Variants in GRIP1 observed in about 807,000 individuals in gnomAD.
GRIP1 encodes glutamate receptor interacting protein 1.
GRIP1 carries 45 observed loss-of-function variants against 129.9 expected under a neutral mutation model. The ratio of observed to expected loss-of-function variants is 0.35; its 90% confidence interval spans 0.27 to 0.44. The LOEUF is 0.44. GRIP1 is among the 20% of genes least tolerant of loss of function. The pLI, the probability that GRIP1 is intolerant of heterozygous loss-of-function variation, is 1.00. For synonymous variants in GRIP1, 530 were observed against 520.8 expected (o/e 1.02, Z -0.24); for missense variants, 1,196 against 1,396.8 (o/e 0.86, Z 2.29).
chr12:66,956,115 C>G (rs1413226933), intron 1 of GRIP1, among the ~76,000 whole-genome samples: 1 of 152,196 alleles, frequency 6.6e-6, no homozygotes, highest in Non-Finnish European at 1.5e-5. Context: ...ATTCTATTAA[C>G]CAAACTCGGC....
chr12:66,503,572 TC>T, intron 7 of GRIP1, among the ~76,000 whole-genome samples: 1 of 152,342 alleles, frequency 6.6e-6, no homozygotes, highest in Admixed American at 6.5e-5. Flanking sequence ...GTTCTCTTTT[TC>T]TGCCTTATGC....
chr12:66,964,308 G>A (rs1325990291), intron 1 of GRIP1, among the ~76,000 whole-genome samples: 1 of 152,114 alleles, frequency 6.6e-6, no homozygotes, highest in East Asian at 1.9e-4. Context: ...AAGGACTTAT[G>A]TTCTAGAGGA....
intron 2 of GRIP1, among the ~76,000 whole-genome samples, chr12:66,560,916 C>T (rs1331386007): frequency 1.3e-5 from 2 of 152,014 alleles, no homozygotes; most frequent in Non-Finnish European, 1.5e-5. Context: ...TGTACAACAA[C>T]CAGGATTTGG....
chr12:66,638,935 T>C (rs923843266), intron 1 of GRIP1, among the ~76,000 whole-genome samples: 3 of 152,286 alleles, frequency 2.0e-5, no homozygotes, highest in African/African-American at 7.2e-5. Context: ...CTCCTTGTGT[T>C]TCAGTTTCTT....
chr12:66,640,381 A>G (rs2031814652), intron 1 of GRIP1, among the ~76,000 whole-genome samples: 1 of 152,192 alleles, frequency 6.6e-6, no homozygotes, highest in Admixed American at 6.5e-5. Context: ...CTGAAAAATA[A>G]ATTGGTCATC....
Position 66,724,323 on chromosome 12 carries a change from A to G in GRIP1, c.-420+79730T>C, listed in dbSNP as rs577494370. On this transcript the variant is annotated intron_variant, in intron 1 of 4. Transcript: ENST00000538373. ...GTGCCACTGACACCAAAAGGGGCAGACCACTAGTGTGACTTCTTGGTTAAA... is the reference window on the plus strand; with the variant it reads ...GTGCCACTGACACCAAAAGGGGCAGGCCACTAGTGTGACTTCTTGGTTAAA... Among the ~76,000 whole-genome samples the G allele has an allele frequency of 7.8e-4, 119 of 152,316 alleles. 1 individual carries two copies. The highest frequency in any genetic ancestry group is 2.7e-3 in the African/African-American group (114 of 41,568).
intron 1 of GRIP1, among the ~76,000 whole-genome samples, chr12:66,949,576 A>G (rs1422193305): frequency 1.3e-5 from 2 of 152,152 alleles, no homozygotes; most frequent in South Asian, 2.1e-4. Flanking sequence ...CTTTTCTAGA[A>G]GAATGATTTG....
intron 1 of GRIP1, among the ~76,000 whole-genome samples, chr12:66,628,616 A>G (rs938132008): frequency 3.3e-5 from 5 of 152,168 alleles, no homozygotes; most frequent in African/African-American, 1.2e-4. Context: ...AATTTCTTGT[A>G]ATTTTCCTTC....
At chr12:66,683,447 T>C (rs2034661860), upstream of GRIP1, among the ~76,000 whole-genome samples, 1 of 152,104 alleles carries the variant, frequency 6.6e-6, no homozygotes, top group Non-Finnish European at 1.5e-5. Flanking sequence ...TCTAAGGGTG[T>C]GAAAAGTTGG....
intron 1 of GRIP1, among the ~76,000 whole-genome samples, chr12:66,633,760 C>A (rs558368635): frequency 1.3e-5 from 2 of 152,156 alleles, no homozygotes; most frequent in African/African-American, 2.4e-5. Context: ...GCTCTTACCC[C>A]CTCTGCTATG....
intron 1 of GRIP1, among the ~76,000 whole-genome samples, chr12:66,865,464 T>C (rs553357056): frequency 7.1e-6 from 1 of 141,460 alleles, no homozygotes; most frequent in East Asian, 2.1e-4. Flanking sequence ...TAGCAGATCT[T>C]TGTGGTAGTT....
intron 7 of GRIP1, among the ~76,000 whole-genome samples, chr12:66,469,962 C>G (rs1411452459): frequency 6.6e-6 from 1 of 152,146 alleles, no homozygotes; most frequent in African/African-American, 2.4e-5. Flanking sequence ...AGACCAGAAA[C>G]CCAGGAGCCA....
intron 1 of GRIP1, among the ~76,000 whole-genome samples, chr12:66,760,152 C>A (rs922130586): frequency 6.6e-6 from 1 of 152,176 alleles, no homozygotes; most frequent in African/African-American, 2.4e-5. Flanking sequence ...CCTTGCCCAG[C>A]ACACTATCAG....
At chr12:66,982,106 T>C (rs1467736837) in intron 1 of GRIP1, among the ~76,000 whole-genome samples, 1 of 152,190 alleles carries the variant, frequency 6.6e-6, no homozygotes, top group Non-Finnish European at 1.5e-5. Flanking sequence ...GTGACTTTGT[T>C]GAGAAAACAG....
At chr12:66,515,592 G>C (rs2060821343) in intron 7 of GRIP1, 27 bp downstream of exon 7, 1 of 1,601,890 alleles carries the variant, frequency 6.2e-7, no homozygotes, top group African/African-American at 1.3e-5. Context: ...GGTGCTTAGA[G>C]ATCACACCCT....
chr12:66,846,885 G>A (rs1324532331), intron 1 of GRIP1, among the ~76,000 whole-genome samples: 7 of 152,170 alleles, frequency 4.6e-5, no homozygotes. Context: ...AGGAAAGGAT[G>A]AGGGAGGCAG....
chr12:66,818,792 G>T (rs1339394493), intron 1 of GRIP1, among the ~76,000 whole-genome samples: 1 of 152,118 alleles, frequency 6.6e-6, no homozygotes. Context: ...AGCTCCAGAG[G>T]TGTTACCCAC....
chr12:67,059,028 G>C (rs1313692508), intron 1 of GRIP1, among the ~76,000 whole-genome samples: 1 of 152,206 alleles, frequency 6.6e-6, no homozygotes, highest in Non-Finnish European at 1.5e-5. Flanking sequence ...GAACATTGTG[G>C]CCAATGACCC....
intron 1 of GRIP1, among the ~76,000 whole-genome samples, chr12:66,987,219 T>C (rs544745147): frequency 1.3e-5 from 2 of 152,328 alleles, no homozygotes; most frequent in East Asian, 3.9e-4. Context: ...ATGTAAGTTC[T>C]GTGAAGACAA....
Sources: gnomAD v4.1 joint callset for allele counts (sites outside exome capture counted in the v4.1 genomes callset) on GRCh38, gnomAD v4.1.1 for gene constraint, MANE v1.5 for transcripts, NCBI Gene and HGNC (gene_info 2026-07-23, HGNC 2026-07-21) for gene names.